The following CTNNA3 variants were observed in gnomAD, a reference collection of about 807,000 sequenced individuals.
CTNNA3 encodes catenin alpha-3.
In CTNNA3, 76 loss-of-function variants were observed where a neutral mutation model predicts 95.7. The ratio of observed to expected loss-of-function variants is 0.79; its 90% CI spans 0.66 to 0.96. The LOEUF (loss-of-function observed/expected upper bound fraction) is 0.96. CTNNA3 is among the 40% of genes least tolerant of loss of function. The pLI is 0.00. For missense variants in CTNNA3, 1,191 were observed against 1,089.8 expected (o/e 1.09, Z -1.31); for synonymous variants, 431 against 374.4 (o/e 1.15, Z -1.74).
upstream of CTNNA3, among the ~76,000 whole-genome samples, chr10:67,696,901 C>T (rs140413130): frequency 3.3e-4 from 50 of 152,274 alleles, no homozygotes; most frequent in East Asian, 9.4e-3. Context: ...TGGACATTAC[C>T]ATTTTTCCGA....
chr10:66,230,596 C>A (rs1349661641), intron 13 of CTNNA3, among the ~76,000 whole-genome samples: 1 of 152,128 alleles, frequency 6.6e-6, no homozygotes, highest in Non-Finnish European at 1.5e-5. Flanking sequence ...CAGAGGTGCA[C>A]AGTCACGTTG....
At chr10:66,065,506 G>A (rs954024713) in intron 15 of CTNNA3, among the ~76,000 whole-genome samples, 12 of 151,724 alleles carry the variant, frequency 7.9e-5, no homozygotes, top group African/African-American at 2.7e-4. Context: ...TCACCATTTC[G>A]TAAAGCAAAA....
chr10:66,793,936 T>G (rs767322812), intron 7 of CTNNA3, among the ~76,000 whole-genome samples: 44 of 152,286 alleles, frequency 2.9e-4, no homozygotes, highest in Non-Finnish European at 5.4e-4. Context: ...TAGCTATTAG[T>G]CACAAATATA....
intron 15 of CTNNA3, among the ~76,000 whole-genome samples, chr10:66,025,569 T>C (rs2079317005): frequency 6.6e-6 from 1 of 152,224 alleles, no homozygotes; most frequent in Admixed American, 6.5e-5. Context: ...GCTCATCATC[T>C]ACTATCTTCC....
At chr10:66,624,321 G>T (rs919146589) in intron 9 of CTNNA3, among the ~76,000 whole-genome samples, 4 of 152,062 alleles carry the variant, frequency 2.6e-5, no homozygotes, top group African/African-American at 9.7e-5. Flanking sequence ...GATAATGTAT[G>T]GGGAGAGTCT....
At position 66,431,854 on chromosome 10, in the gene CTNNA3, A is replaced by G. The variant is rs546226411; in HGVS notation, c.1532-52502T>C. Among the ~76,000 whole-genome samples, 112 of 152,212 alleles carry G rather than the reference A, an allele frequency of 7.4e-4. 2 individuals are homozygous for G. In the South Asian group the frequency reaches 0.022, roughly 30 times the overall value. On this transcript the variant is annotated intron_variant, in intron 11 of 17. Transcript: ENST00000433211. The stretch of plus-strand genomic sequence containing the variant: ...ATGGCACATGTATACATATGTAACA[A>G]ACCTGCACGTTGTGCACATGTACCC...
rs529670736 is a variant in CTNNA3 at position 66,431,487 on chromosome 10, G to C, written c.1532-52135C>G. On this transcript the variant is annotated intron_variant, in intron 11 of 17. Transcript: ENST00000433211. ...CACTATTCACAATAGCAAAGACTTG[G>C]AACCAACCCAAATGTCCATCAATGA... is the stretch of plus-strand genomic sequence containing the variant. Among the ~76,000 whole-genome samples the C allele has an allele frequency of 2.0e-4, 31 of 152,050 alleles. No individual in the cohort carries two copies. In the South Asian group the frequency reaches 6.4e-3, roughly 32 times the overall value.
intron 11 of CTNNA3, among the ~76,000 whole-genome samples, chr10:66,515,367 T>C (rs1840812556): frequency 6.7e-6 from 1 of 148,828 alleles, no homozygotes; most frequent in Non-Finnish European, 1.5e-5. Flanking sequence ...ATAGTATTAG[T>C]ATTGACTCCT....
intron 6 of CTNNA3, among the ~76,000 whole-genome samples, chr10:67,186,571 G>T (rs985377700): frequency 2.0e-5 from 3 of 152,092 alleles, no homozygotes; most frequent in African/African-American, 2.4e-5. Flanking sequence ...CAATAAAAAG[G>T]CAAGAATTTT....
At chr10:66,653,148 T>C (rs897253930) in intron 9 of CTNNA3, among the ~76,000 whole-genome samples, 2 of 152,072 alleles carry the variant, frequency 1.3e-5, no homozygotes, top group Non-Finnish European at 2.9e-5. Context: ...ATAAATGGCA[T>C]CCAGATTGGA....
At position 66,622,948 on chromosome 10, in the gene CTNNA3, G is replaced by A. The variant is rs1844802774; in HGVS notation, c.1282-1164C>T. On this transcript the variant is annotated intron_variant, in intron 9 of 17. Coordinates refer to ENST00000433211, the MANE Select transcript of CTNNA3 (RefSeq NM_013266.4). ...TTCATTCACATATAATGAAATAACA[G>A]CCATACATTATTTAACTGTGGAAGG... Among the ~76,000 whole-genome samples, 6 of 152,112 alleles carry A rather than the reference G, an allele frequency of 3.9e-5. No homozygotes were observed. The South Asian group carries it at 1.2e-3, about 32-fold the overall frequency.
chr10:66,737,581 T>A (rs982030097), intron 9 of CTNNA3, among the ~76,000 whole-genome samples: 4 of 152,174 alleles, frequency 2.6e-5, no homozygotes, highest in Non-Finnish European at 5.9e-5. Flanking sequence ...GAAATGCAAT[T>A]TTTTTCCCTG....
Position 66,652,822 on chromosome 10 carries a change from G to C in CTNNA3, c.1282-31038C>G, listed in dbSNP as rs1464930747. Among the ~76,000 whole-genome samples, 3 of 152,014 alleles carry C rather than the reference G, an allele frequency of 2.0e-5. No individual in the cohort carries two copies. The East Asian group carries it at 5.8e-4, about 29-fold the overall frequency. ...AAGTAGGATTTATTCCAGAGATGCA[G>C]GTATGGTTGAATATAAGCTAATCTA... On this transcript the variant is annotated intron_variant, in intron 9 of 17. Coordinates refer to ENST00000433211, the MANE Select transcript of CTNNA3 (RefSeq NM_013266.4).
At chr10:67,754,367 A>C (rs1841422623) in intron 1 of CTNNA3, among the ~76,000 whole-genome samples, 2 of 152,152 alleles carry the variant, frequency 1.3e-5, no homozygotes, top group South Asian at 4.1e-4. Context: ...CTTAATACCT[A>C]GGTGATGGGT....
At chr10:67,228,186 A>G (rs1865017786) in intron 5 of CTNNA3, among the ~76,000 whole-genome samples, 2 of 152,224 alleles carry the variant, frequency 1.3e-5, no homozygotes, top group Non-Finnish European at 2.9e-5. Flanking sequence ...TCAGAGCAGA[A>G]CTAAATGAAA....
intron 2 of CTNNA3, among the ~76,000 whole-genome samples, chr10:67,624,750 T>A (rs1248037884): frequency 2.0e-5 from 3 of 152,196 alleles, no homozygotes; most frequent in Admixed American, 6.5e-5. Flanking sequence ...TAAGAAATTC[T>A]TACCAGTCAG....
intron 9 of CTNNA3, among the ~76,000 whole-genome samples, chr10:66,749,244 A>G (rs1352116175): frequency 3.3e-5 from 5 of 151,416 alleles, no homozygotes; most frequent in African/African-American, 1.2e-4. Context: ...GGAAAGAAAG[A>G]AAGAAAGATA....
chr10:66,945,596 T>C (rs1344819164), intron 7 of CTNNA3, among the ~76,000 whole-genome samples: 1 of 152,212 alleles, frequency 6.6e-6, no homozygotes, highest in Non-Finnish European at 1.5e-5. Flanking sequence ...GTAGCACTTT[T>C]CATTTTCTTC....
At chr10:66,457,379 A>C (rs1039109266) in intron 11 of CTNNA3, among the ~76,000 whole-genome samples, 2 of 152,104 alleles carry the variant, frequency 1.3e-5, no homozygotes, top group Non-Finnish European at 2.9e-5. Flanking sequence ...AAACAACTCA[A>C]TTTAAAAATT....
Sources: allele counts gnomAD v4.1 joint callset (sites outside exome capture counted in the v4.1 genomes callset), GRCh38; gene constraint gnomAD v4.1.1; transcripts MANE v1.5; gene names NCBI Gene and HGNC (gene_info 2026-07-23, HGNC 2026-07-21).